Variants in IGFBP7 observed in about 807,000 individuals in gnomAD.
IGFBP7 encodes the protein insulin-like growth factor-binding protein 7.
In IGFBP7, 31 loss-of-function variants were observed where a neutral mutation model predicts 29.4. The ratio of observed to expected loss-of-function variants is 1.05; its 90% CI spans 0.79 to 1.42. IGFBP7 has a LOEUF of 1.42. IGFBP7 is among the 40% of genes most tolerant of loss of function. The probability of loss-of-function intolerance (pLI) is 0.00; values close to 1 mark genes in which losing one functional copy is unlikely to be tolerated. For synonymous variants in IGFBP7, 172 were observed against 174.9 expected (o/e 0.98, Z 0.13); for missense variants, 393 against 395.5 (o/e 0.99, Z 0.05).
At chr4:57,103,497 G>A (rs1279927357) in intron 1 of IGFBP7, among the ~76,000 whole-genome samples, 1 of 151,996 alleles carries the variant, frequency 6.6e-6, no homozygotes, top group Non-Finnish European at 1.5e-5. Flanking sequence ...ACTGAAAATT[G>A]TATATATATG....
intron 1 of IGFBP7, among the ~76,000 whole-genome samples, chr4:57,042,409 G>C (rs1005555846): frequency 6.6e-6 from 1 of 152,156 alleles, no homozygotes; most frequent in African/African-American, 2.4e-5. Flanking sequence ...GAGTGCAGTG[G>C]CATGATCTTG....
At chr4:57,068,391 A>G (rs955962004) in intron 1 of IGFBP7, among the ~76,000 whole-genome samples, 1 of 152,160 alleles carries the variant, frequency 6.6e-6, no homozygotes, top group African/African-American at 2.4e-5. Flanking sequence ...AATTTCCCCT[A>G]TAGCAAAGAT....
At chr4:57,054,295 G>C (rs1186220840) in intron 1 of IGFBP7, among the ~76,000 whole-genome samples, 1 of 145,934 alleles carries the variant, frequency 6.9e-6, no homozygotes, top group Admixed American at 6.8e-5. Context: ...TCTATCCGTA[G>C]GCCCTGCGCT....
At chr4:57,075,075 G>A (rs1454875751) in intron 1 of IGFBP7, among the ~76,000 whole-genome samples, 3 of 152,156 alleles carry the variant, frequency 2.0e-5, no homozygotes, top group African/African-American at 4.8e-5. Context: ...TCTGCACACC[G>A]TGTCTTTGAA....
At chr4:57,036,694 G>T (rs543466267) in intron 2 of IGFBP7, among the ~76,000 whole-genome samples, 2 of 152,246 alleles carry the variant, frequency 1.3e-5, no homozygotes, top group African/African-American at 4.8e-5. Context: ...CACTCGCCAG[G>T]CTGTGCCAAC....
chr4:57,075,890 T>A (rs1263804776), intron 1 of IGFBP7, among the ~76,000 whole-genome samples: 1 of 152,240 alleles, frequency 6.6e-6, no homozygotes, highest in Admixed American at 6.5e-5. Context: ...AACATGGATC[T>A]GTTATATATA....
intron 4 of IGFBP7, 37 bp from the exon 5 acceptor site, chr4:57,031,373 T>C (rs1723921953): frequency 6.5e-7 from 1 of 1,528,946 alleles, no homozygotes; most frequent in African/African-American, 1.4e-5. Flanking sequence ...ATTAGTTACA[T>C]ATGGGGATGT....
At chr4:57,050,253 T>C (rs1185865910) in intron 1 of IGFBP7, among the ~76,000 whole-genome samples, 1 of 151,272 alleles carries the variant, frequency 6.6e-6, no homozygotes. Context: ...AAGTTTTTTT[T>C]TTTTTTTTTG....
chr4:57,059,390 A>G (rs1458788937), intron 1 of IGFBP7, among the ~76,000 whole-genome samples: 2 of 152,222 alleles, frequency 1.3e-5, no homozygotes, highest in African/African-American at 2.4e-5. Context: ...TGTGGTACAT[A>G]TACACCATGG....
intron 1 of IGFBP7, among the ~76,000 whole-genome samples, chr4:57,106,619 T>A (rs554690554): frequency 6.6e-6 from 1 of 152,158 alleles, no homozygotes; most frequent in Non-Finnish European, 1.5e-5. Context: ...AAGGTACTAA[T>A]AAGGGAGACC....
chr4:57,104,907 C>T (rs909094642), intron 1 of IGFBP7, among the ~76,000 whole-genome samples: 5 of 152,188 alleles, frequency 3.3e-5, no homozygotes, highest in African/African-American at 7.2e-5. Context: ...AGGGGCTTTC[C>T]TGCATTTCCA....
chr4:57,055,283 C>G (rs1460989003), intron 1 of IGFBP7, among the ~76,000 whole-genome samples: 4 of 152,164 alleles, frequency 2.6e-5, no homozygotes, highest in African/African-American at 7.2e-5. Flanking sequence ...AAAAAAATGC[C>G]CATTCCTGGG....
chr4:57,056,813 T>C (rs937396081), intron 1 of IGFBP7, among the ~76,000 whole-genome samples: 1 of 152,250 alleles, frequency 6.6e-6, no homozygotes, highest in African/African-American at 2.4e-5. Flanking sequence ...AAATACTCTT[T>C]TCTGCTCTTA....
Position 57,100,905 on chromosome 4 carries a change from T to C in IGFBP7, c.475+8972A>G, listed in dbSNP as rs565378176. 1.2e-4 allele frequency among the ~76,000 whole-genome samples: 19 copies of C among 152,338 alleles called. No individual in the cohort carries two copies. In the South Asian group the frequency reaches 3.9e-3, roughly 32 times the overall value. On this transcript the variant is annotated intron_variant, in intron 1 of 4. Coordinates refer to ENST00000295666, the MANE Select transcript of IGFBP7 (RefSeq NM_001553.3). ...GTGTGATGTCTGACCTGCAGTGTCTTTATTTGGAATTTGGGATAACAATTC... is the reference window on the plus strand; with the variant it reads ...GTGTGATGTCTGACCTGCAGTGTCTCTATTTGGAATTTGGGATAACAATTC...
At chr4:57,090,003 C>T (rs954965823) in intron 1 of IGFBP7, among the ~76,000 whole-genome samples, 2 of 152,218 alleles carry the variant, frequency 1.3e-5, no homozygotes, top group Non-Finnish European at 2.9e-5. Context: ...CTTGACAGCA[C>T]TGCTGAGTGG....
chr4:57,088,190 G>A (rs748064406), intron 1 of IGFBP7, among the ~76,000 whole-genome samples: 2 of 151,916 alleles, frequency 1.3e-5, no homozygotes, highest in South Asian at 4.2e-4. Flanking sequence ...TGCCCAGACT[G>A]GTCTTGAACT....
At chr4:57,066,533 C>T (rs60727341) in intron 1 of IGFBP7, among the ~76,000 whole-genome samples, 20,357 of 152,004 alleles carry the variant, frequency 0.13, 1,441 homozygotes, top group East Asian at 0.16. Context: ...ATTTATTATG[C>T]AGTAGCAAAC....
At chr4:57,045,740 T>TC (rs1180578675) in intron 1 of IGFBP7, among the ~76,000 whole-genome samples, 1 of 151,890 alleles carries the variant, frequency 6.6e-6, no homozygotes, top group African/African-American at 2.4e-5. Flanking sequence ...ACTCCTTTTT[T>TC]TTTTTTTTAG....
intron 1 of IGFBP7, among the ~76,000 whole-genome samples, chr4:57,099,326 C>A (rs1168096952): frequency 6.6e-6 from 1 of 152,180 alleles, no homozygotes; most frequent in African/African-American, 2.4e-5. Flanking sequence ...AGTTCTCAAA[C>A]CCCTGCATGA....
Sources: gnomAD v4.1 joint callset for allele counts (sites outside exome capture counted in the v4.1 genomes callset) on GRCh38, gnomAD v4.1.1 for gene constraint, MANE v1.5 for transcripts, NCBI Gene and HGNC (gene_info 2026-07-23, HGNC 2026-07-21) for gene names.